DMD: variants seen among roughly 807,000 people sequenced by gnomAD.
DMD encodes mutant dystrophin.
In DMD, 63 loss-of-function variants were observed where a neutral mutation model predicts 330.1. That is an observed-to-expected ratio of 0.19 (90% CI 0.16 to 0.24). The LOEUF is 0.24. Among genes scored for constraint, DMD ranks in the 10% least tolerant of loss-of-function variants. The pLI, the probability that DMD is intolerant of heterozygous loss-of-function variation, is 1.00. For synonymous variants in DMD, 1,223 were observed against 959.8 expected (o/e 1.27, Z -5.07); for missense variants, 3,344 against 2,684.1 (o/e 1.25, Z -5.43).
chrX:31,311,415 G>C (rs2055511449), intron 62 of DMD, among the ~76,000 whole-genome samples: 1 of 111,859 alleles, frequency 8.9e-6, no homozygotes, highest in African/African-American at 3.3e-5. Context: ...ATTAAGTATG[G>C]TCTTGGCCAT....
chrX:32,567,826 GAATTTCA>G (rs2051913316), intron 15 of DMD, among the ~76,000 whole-genome samples: 1 of 111,872 alleles, frequency 8.9e-6, no homozygotes, highest in Non-Finnish European at 1.9e-5. Context: ...AGCCATATTT[GAATTTCA>G]ATGTATATTC....
intron 44 of DMD, among the ~76,000 whole-genome samples, chrX:32,075,583 T>C (rs2096337965): frequency 8.9e-6 from 1 of 111,776 alleles, no homozygotes. Context: ...TTGTTTATCT[T>C]GCAAGTTCCT....
intron 48 of DMD, among the ~76,000 whole-genome samples, chrX:31,866,282 T>C (rs2093798028): frequency 9.0e-6 from 1 of 111,683 alleles, no homozygotes; most frequent in Non-Finnish European, 1.9e-5. Context: ...TAAAGCGTTA[T>C]GCTCCCTGCC....
At chrX:32,174,907 C>T (rs1295863612) in intron 44 of DMD, among the ~76,000 whole-genome samples, 4 of 111,117 alleles carry the variant, frequency 3.6e-5, no homozygotes, top group Non-Finnish European at 7.5e-5. Context: ...AATATGTCTG[C>T]CTGGTACTTT....
chrX:32,491,420 C>G lies in DMD; in HGVS notation c.2479G>C (p.Glu827Gln). The change falls in exon 20 of 79, where the codon GAG becomes CAG. Residue 827 changes from glutamate to glutamine, a missense_variant. By Grantham distance (29) the Glu-to-Gln change is conservative (BLOSUM62 2). Transcript: ENST00000357033. ...AAAGCGATGATGTTGTTCTGATACT[C>G]CAGCCAGTTAAGTCTCTCACTTAGC... ...QLLSERLNWL[E>Q]YQNNIIAFYN... is the part of the protein sequence containing the mutation. 1 of 1,211,543 alleles carries G rather than the reference C, an allele frequency of 8.3e-7. No individual in the cohort carries two copies.
chrX:32,888,436 G>T (rs910213542), intron 2 of DMD, among the ~76,000 whole-genome samples: 2 of 111,179 alleles, frequency 1.8e-5, no homozygotes, highest in Non-Finnish European at 3.8e-5. Context: ...CATTAGTCAG[G>T]TAACTGCAAA....
intron 59 of DMD, among the ~76,000 whole-genome samples, chrX:31,451,885 T>C (rs1198217152): frequency 9.0e-5 from 10 of 111,281 alleles, no homozygotes; most frequent in Admixed American, 1.9e-4. Flanking sequence ...ACAGTTTTTA[T>C]TGTGATAGCC....
At chrX:32,441,100 G>T in intron 28 of DMD, 80 bp downstream of exon 28, 1 of 1,057,466 alleles carries the variant, frequency 9.5e-7, no homozygotes, top group Non-Finnish European at 1.3e-6. Context: ...TGTTTTCTTT[G>T]GATTTGTCTT....
intron 7 of DMD, among the ~76,000 whole-genome samples, chrX:32,786,741 A>G (rs933534630): frequency 1.8e-5 from 2 of 111,994 alleles, no homozygotes; most frequent in Non-Finnish European, 3.8e-5. Flanking sequence ...ATATTCTGCC[A>G]TAAGATTATA....
intron 7 of DMD, among the ~76,000 whole-genome samples, chrX:32,718,616 A>T (rs1193027960): frequency 8.9e-6 from 1 of 112,228 alleles, no homozygotes. Context: ...TATTTAAGCA[A>T]ATGTCATTGG....
At chrX:32,338,463 T>C (rs773964743) in intron 41 of DMD, among the ~76,000 whole-genome samples, 1 of 111,583 alleles carries the variant, frequency 9.0e-6, no homozygotes, top group Admixed American at 9.6e-5. Context: ...CTTTGTTTTT[T>C]CAAATCTTCG....
At chrX:32,871,374 C>T (rs1361028326) in intron 2 of DMD, among the ~76,000 whole-genome samples, 1 of 111,385 alleles carries the variant, frequency 9.0e-6, no homozygotes, top group African/African-American at 3.3e-5. Flanking sequence ...CCCGCCCTCC[C>T]CATACTTAAG....
intron 55 of DMD, among the ~76,000 whole-genome samples, chrX:31,510,010 T>C (rs1301129197): frequency 4.4e-5 from 5 of 112,472 alleles, no homozygotes; most frequent in African/African-American, 1.6e-4. Flanking sequence ...TAAAGTTATC[T>C]TAGCATTGGC....
chrX:32,241,408 A>G (rs752053427), intron 43 of DMD, among the ~76,000 whole-genome samples: 1 of 112,692 alleles, frequency 8.9e-6, no homozygotes, highest in Non-Finnish European at 1.9e-5. Context: ...ACATAGGCCC[A>G]TAAGTTTAGG....
chrX:33,170,870 T>C (rs1035703601), intron 1 of DMD, among the ~76,000 whole-genome samples: 2 of 111,793 alleles, frequency 1.8e-5, no homozygotes, highest in African/African-American at 3.2e-5. Flanking sequence ...TCTAGGTCTA[T>C]GTACATTTTG....
At chrX:33,129,102 G>A (rs2095482216) in intron 1 of DMD, 1 of 111,352 alleles carries the variant, frequency 9.0e-6, no homozygotes, top group African/African-American at 3.3e-5. Context: ...CTTCTGTAAT[G>A]ACTGTTTACC....
At chrX:32,527,512 T>G (rs1276911817) in intron 17 of DMD, among the ~76,000 whole-genome samples, 1 of 110,078 alleles carries the variant, frequency 9.1e-6, no homozygotes, top group South Asian at 3.9e-4. Flanking sequence ...TTGATCAACC[T>G]CTCTCTACTC....
intron 25 of DMD, among the ~76,000 whole-genome samples, chrX:32,461,739 C>T (rs1462685049): frequency 9.2e-6 from 1 of 108,575 alleles, no homozygotes; most frequent in Non-Finnish European, 1.9e-5. Context: ...ATTCAACAAA[C>T]AAAAAACAAA....
intron 45 of DMD, among the ~76,000 whole-genome samples, chrX:31,954,317 C>T (rs2095220540): frequency 9.0e-6 from 1 of 111,197 alleles, no homozygotes; most frequent in Non-Finnish European, 1.9e-5. Context: ...TTTTTTTATA[C>T]CCATCCAGTT....
Sources: gnomAD v4.1 joint callset for allele counts (sites outside exome capture counted in the v4.1 genomes callset) on GRCh38, gnomAD v4.1.1 for gene constraint, MANE v1.5 for transcripts, NCBI Gene and HGNC (gene_info 2026-07-23, HGNC 2026-07-21) for gene names.